Variants in ATF2 observed in about 807,000 individuals in gnomAD.
The protein encoded by ATF2 is cyclic AMP-dependent transcription factor ATF-2.
A neutral mutation model predicts 60.6 loss-of-function variants in ATF2; 24 were observed. The observed-to-expected ratio is 0.40, with a 90% CI of 0.29 to 0.56. The LOEUF (loss-of-function observed/expected upper bound fraction) is 0.56, where lower values mean the gene tolerates loss of function less well. Ranked by LOEUF, ATF2 falls within the 20% of genes least tolerant of loss-of-function variation. The probability of loss-of-function intolerance (pLI) is 0.54; values close to 1 mark genes in which losing one functional copy is unlikely to be tolerated. For missense variants in ATF2, 433 were observed against 607.7 expected, an observed-to-expected ratio of 0.71 and a Z score of 3.02; for synonymous variants, 206 against 215.4, an observed-to-expected ratio of 0.96 and a Z score of 0.38.
rs1408681050 is a variant in ATF2 at position 175,088,641 on chromosome 2, C to T, written c.1185+4420G>A. On this transcript the variant is annotated intron_variant, in intron 12 of 13. Coordinates refer to ENST00000264110, the MANE Select transcript of ATF2 (RefSeq NM_001880.4). The stretch of plus-strand genomic sequence containing the variant: ...ATGGCAAAAGCTGCGATTCTGTTTG[C>T]ACCAACCTAATATAACAGCCAAATC... Among the ~76,000 whole-genome samples the T allele has an allele frequency of 8.6e-5, 13 of 151,822 alleles. No individual in the cohort carries two copies. The East Asian group carries it at 9.8e-4, about 11-fold the overall frequency.
In ATF2 at chr2:175,130,119, A is replaced by T; in HGVS notation, c.102+19T>A. ...TAAGTGGAAATATACAAAATAATTT[A>T]AAGTAATTTATATATTACCTGGCCA... On this transcript the variant is annotated intron_variant, in intron 4 of 13. Coordinates refer to ENST00000264110, the MANE Select transcript of ATF2 (RefSeq NM_001880.4). 3 of 1,511,882 alleles carry T rather than the reference A, an allele frequency of 2.0e-6. No individual in the cohort carries two copies. The highest frequency in any genetic ancestry group is 2.7e-6 in the Non-Finnish European group (3 of 1,113,124). 93.7% of individuals were successfully genotyped at this position (1,511,882 alleles called of 1,614,324 possible).
intron 12 of ATF2, among the ~76,000 whole-genome samples, chr2:175,089,025 A>G (rs62183059): frequency 0.04 from 6,058 of 152,156 alleles, 142 homozygotes; most frequent in Admixed American, 0.094. Flanking sequence ...TACTAAAAAT[A>G]CAAAATTAGC....
rs1697218345 is a variant in ATF2, at chr2:175,124,893, C to G, written c.103-3353G>C. On this transcript the variant is annotated intron_variant, in intron 4 of 13. Transcript: ENST00000264110. ...CCAAATTATCTCAGTGTCTCTTTTA[C>G]TAAATTCCAAGGAGCATCACTTTAA... Among the ~76,000 whole-genome samples, 6 of 152,078 alleles carry G rather than the reference C, an allele frequency of 3.9e-5. No homozygotes were observed. The South Asian group carries it at 1.2e-3, about 32-fold the overall frequency.
intron 12 of ATF2, among the ~76,000 whole-genome samples, chr2:175,081,980 C>T (rs564957349): frequency 1.3e-5 from 2 of 152,272 alleles, no homozygotes; most frequent in Admixed American, 6.5e-5. Context: ...ACTGCTTGAA[C>T]CCAGGAAGCA....
intron 7 of ATF2, among the ~76,000 whole-genome samples, chr2:175,115,307 A>T (rs1696477576): frequency 6.6e-6 from 1 of 152,212 alleles, no homozygotes; most frequent in South Asian, 2.1e-4. Context: ...GATACAATTA[A>T]GTAACAGAAA....
rs1162546889 is a variant in ATF2 at position 175,151,124 on chromosome 2, A to G, written c.-108T>C. 7.2e-5 allele frequency: 11 copies of G among 152,522 alleles called. No homozygotes were observed. The highest frequency in any genetic ancestry group is 4.1e-4 in the South Asian group (2 of 4,832). 9.4% of individuals were successfully genotyped at this position (152,522 alleles called of 1,614,324 possible). A position where few individuals can be genotyped will look rare whatever the true frequency, so the allele number is the denominator to read the frequency against. ...TCCAGGAATACCTTAGCTGTTATCA[A>G]TAAGCAGTCCTTTCTCAAGTTTCCA... On this transcript the variant is annotated 5_prime_UTR_variant, in exon 2 of 14. Transcript: ENST00000264110.
intron 12 of ATF2, among the ~76,000 whole-genome samples, chr2:175,088,721 G>A (rs1433810702): frequency 6.6e-6 from 1 of 152,062 alleles, no homozygotes; most frequent in Non-Finnish European, 1.5e-5. Flanking sequence ...AGCAGCTACT[G>A]TTAGTAAAGA....
chr2:175,134,301 T>C (rs1241643904), intron 3 of ATF2, among the ~76,000 whole-genome samples: 1 of 152,160 alleles, frequency 6.6e-6, no homozygotes, highest in African/African-American at 2.4e-5. Context: ...CACGATTTTA[T>C]ATAAGTAACT....
chr2:175,086,808 C>T (rs1420339797), intron 12 of ATF2, among the ~76,000 whole-genome samples: 1 of 152,040 alleles, frequency 6.6e-6, no homozygotes, highest in Non-Finnish European at 1.5e-5. Context: ...TAAAGATAGG[C>T]ATGATTTATT....
At chr2:175,133,208 G>A (rs1697870312) in intron 3 of ATF2, among the ~76,000 whole-genome samples, 1 of 152,088 alleles carries the variant, frequency 6.6e-6, no homozygotes, top group African/African-American at 2.4e-5. Context: ...ATGAAGAATT[G>A]TAATTAAGCT....
At chr2:175,099,355 C>T (rs1258694378) in intron 10 of ATF2, among the ~76,000 whole-genome samples, 1 of 152,062 alleles carries the variant, frequency 6.6e-6, no homozygotes, top group Non-Finnish European at 1.5e-5. Context: ...CCACCCTCCT[C>T]GGCTCCTAAA....
At chr2:175,141,579 A>G (rs1490767765) in intron 2 of ATF2, among the ~76,000 whole-genome samples, 2 of 151,620 alleles carry the variant, frequency 1.3e-5, no homozygotes, top group African/African-American at 4.8e-5. Flanking sequence ...TGTAAGCTCC[A>G]TCTCCCGGGT....
chr2:175,114,150 A>C, intron 8 of ATF2, 42 bp from the exon 9 acceptor site: 3 of 1,530,226 alleles, frequency 2.0e-6, no homozygotes, highest in Non-Finnish European at 1.8e-6. Context: ...AAAGAGATTC[A>C]TACCAACTGT....
chr2:175,140,155 T>C (rs565690300), intron 2 of ATF2, among the ~76,000 whole-genome samples: 2 of 152,316 alleles, frequency 1.3e-5, no homozygotes, highest in South Asian at 4.1e-4. Flanking sequence ...GTCCTCATTC[T>C]GGAATGTTTA....
At chr2:175,133,063 T>A (rs1197047977) in intron 3 of ATF2, among the ~76,000 whole-genome samples, 1 of 151,008 alleles carries the variant, frequency 6.6e-6, no homozygotes, top group East Asian at 1.9e-4. Context: ...CACTCCAGCC[T>A]GGGCAACAGA....
At chr2:175,149,053 AT>A (rs1699133917) in intron 2 of ATF2, among the ~76,000 whole-genome samples, 1 of 152,168 alleles carries the variant, frequency 6.6e-6, no homozygotes, top group Non-Finnish European at 1.5e-5. Context: ...CTCTTCAAAT[AT>A]TTTATAGAGT....
chr2:175,080,432 G>A (rs1693684565), intron 13 of ATF2: 2 of 327,310 alleles, frequency 6.1e-6, no homozygotes, highest in Non-Finnish European at 1.1e-5. Context: ...CCATTTTGTT[G>A]ATCTATAGTA....
chr2:175,133,247 C>T (rs1163889642), intron 3 of ATF2, among the ~76,000 whole-genome samples: 2 of 151,978 alleles, frequency 1.3e-5, no homozygotes, highest in Non-Finnish European at 2.9e-5. Flanking sequence ...GATATCATGA[C>T]CCATTATAAA....
chr2:175,129,734 T>TA (rs1294180829), intron 4 of ATF2, among the ~76,000 whole-genome samples: 2 of 152,096 alleles, frequency 1.3e-5, no homozygotes, highest in Non-Finnish European at 2.9e-5. Context: ...ACATTAGTGA[T>TA]ACTCTAAGAA....
Sources: gnomAD v4.1 joint callset for allele counts (sites outside exome capture counted in the v4.1 genomes callset) on GRCh38, gnomAD v4.1.1 for gene constraint, MANE v1.5 for transcripts, NCBI Gene and HGNC (gene_info 2026-07-23, HGNC 2026-07-21) for gene names.